Variants in SFMBT2 observed in about 807,000 individuals in gnomAD.
SFMBT2 encodes scm-like with four MBT domains protein 2.
SFMBT2 carries 38 observed loss-of-function variants against 110.1 expected under a neutral mutation model. The observed-to-expected ratio is 0.35, with a 90% CI of 0.27 to 0.45. The LOEUF (loss-of-function observed/expected upper bound fraction) is 0.45. Among genes scored for constraint, SFMBT2 ranks in the 20% least tolerant of loss-of-function variants. The pLI is 1.00. For synonymous variants in SFMBT2, 425 were observed against 425.4 expected (o/e 1.00, Z 0.01); for missense variants, 1,011 against 1,094.9 (o/e 0.92, Z 1.08).
At chr10:7,349,168 A>G (rs956794715) in intron 4 of SFMBT2, among the ~76,000 whole-genome samples, 22 of 152,210 alleles carry the variant, frequency 1.4e-4, no homozygotes, top group African/African-American at 5.3e-4. Flanking sequence ...CCCAGAGATC[A>G]TAAATGTGAA....
At chr10:7,270,886 A>T (rs1285189498) in intron 7 of SFMBT2, among the ~76,000 whole-genome samples, 1 of 152,238 alleles carries the variant, frequency 6.6e-6, no homozygotes, top group Non-Finnish European at 1.5e-5. Context: ...GTTAATTTTT[A>T]ATTACAAATA....
chr10:7,322,460 T>C (rs1843222069), intron 4 of SFMBT2, among the ~76,000 whole-genome samples: 1 of 152,158 alleles, frequency 6.6e-6, no homozygotes, highest in Non-Finnish European at 1.5e-5. Flanking sequence ...AAAAGGGCGC[T>C]CCCAGCTGAA....
intron 4 of SFMBT2, among the ~76,000 whole-genome samples, chr10:7,360,443 G>A (rs1201865734): frequency 1.3e-5 from 2 of 151,912 alleles, no homozygotes; most frequent in Non-Finnish European, 2.9e-5. Flanking sequence ...TTCCAGACTG[G>A]AAGACAGAAT....
rs536914139 is a variant in SFMBT2 at position 7,159,062 on chromosome 10, G to A, written c.*4708C>T. ...CATCCTAAGGTGATTTTTAGCCAACGATTGTCCTAGAATTTTCCTTTTTTC... is the reference window on the plus strand; with the variant it reads ...CATCCTAAGGTGATTTTTAGCCAACAATTGTCCTAGAATTTTCCTTTTTTC... On this transcript the variant is annotated 3_prime_UTR_variant, in exon 21 of 21. Coordinates refer to ENST00000397167, the MANE Select transcript of SFMBT2 (RefSeq NM_001387889.1). 2 of 152,192 alleles carry A rather than the reference G, an allele frequency of 1.3e-5. No homozygotes were observed. The highest frequency in any genetic ancestry group is 2.1e-4 in the South Asian group (1 of 4,812). 9.4% of individuals were successfully genotyped at this position (152,192 alleles called of 1,614,324 possible).
chr10:7,268,646 G>A (rs1384878290), intron 7 of SFMBT2, among the ~76,000 whole-genome samples: 3 of 152,068 alleles, frequency 2.0e-5, no homozygotes, highest in African/African-American at 4.8e-5. Flanking sequence ...GAGTAGCTGG[G>A]ATCACAGGTG....
Position 7,367,533 on chromosome 10 carries a change from C to G in SFMBT2, c.436+116G>C. Reference sequence around the variant, plus strand: ...AAACCACTCTGAAAGAACTGTGAGACCTTTGCACTAAGACCATTAGGGATT... The same window carrying G: ...AAACCACTCTGAAAGAACTGTGAGAGCTTTGCACTAAGACCATTAGGGATT... On this transcript the variant is annotated intron_variant, in intron 4 of 20. Coordinates refer to ENST00000397167, the MANE Select transcript of SFMBT2 (RefSeq NM_001387889.1). This position sits in a 1 kb window ranked among gnomAD's most constrained non-coding sequence, Gnocchi z 6.2. The G allele has an allele frequency of 2.7e-6, 4 of 1,466,616 alleles. No homozygotes were observed. The highest frequency in any genetic ancestry group is 3.6e-6 in the Non-Finnish European group (4 of 1,106,312). 90.9% of individuals were successfully genotyped at this position (1,466,616 alleles called of 1,614,324 possible).
In SFMBT2 at chr10:7,383,086, G is replaced by A. The variant is rs533560607; in HGVS notation, c.-51-1137C>T. Among the ~76,000 whole-genome samples, 3 of 152,302 alleles carry A rather than the reference G, an allele frequency of 2.0e-5. No individual in the cohort carries two copies. In the South Asian group the frequency reaches 6.2e-4, roughly 32 times the overall value. On this transcript the variant is annotated intron_variant, in intron 1 of 20. Coordinates refer to ENST00000397167, the MANE Select transcript of SFMBT2 (RefSeq NM_001387889.1). Reference sequence around the variant, plus strand: ...GAGAGAAGTTTAAATCAGCCAACAGGAAAGTAGAGATGAAGAAACAAAAGA... The same window carrying A: ...GAGAGAAGTTTAAATCAGCCAACAGAAAAGTAGAGATGAAGAAACAAAAGA...
At chr10:7,315,106 A>AAGAAAGAAAGAAAGAAAGAAAG (rs1842971629) in intron 4 of SFMBT2, among the ~76,000 whole-genome samples, 1 of 140,456 alleles carries the variant, frequency 7.1e-6, no homozygotes, top group African/African-American at 2.6e-5. Flanking sequence ...GAAAGAAAGA[A>AAGAAAGAAAGAAAGAAAGAAAG]AGAAAAAGCA....
At chr10:7,411,172 A>G, upstream of SFMBT2, among the ~76,000 whole-genome samples, 1 of 144,066 alleles carries the variant, frequency 6.9e-6, no homozygotes, top group Non-Finnish European at 1.5e-5. Flanking sequence ...CGCTTGCAAA[A>G]TTTCTTAAGC....
intron 4 of SFMBT2, among the ~76,000 whole-genome samples, chr10:7,332,015 C>CA (rs1491320070): frequency 0.2 from 7,031 of 35,220 alleles, 317 homozygotes; most frequent in Non-Finnish European, 0.23. Flanking sequence ...GACTCTGTCT[C>CA]AAAAAAAAAA....
At chr10:7,407,780 C>T (rs1055871801) in intron 1 of SFMBT2, among the ~76,000 whole-genome samples, 12 of 152,224 alleles carry the variant, frequency 7.9e-5, no homozygotes, top group South Asian at 2.1e-4. Flanking sequence ...CCGGGATTCT[C>T]GGACACCACA....
At chr10:7,292,182 A>C in intron 4 of SFMBT2, 3 of 217,026 alleles carry the variant, frequency 1.4e-5, no homozygotes, top group Non-Finnish European at 1.6e-5. Context: ...CCAGCTCACA[A>C]GAGAACCGAG....
At chr10:7,351,214 T>C (rs1011840405) in intron 4 of SFMBT2, among the ~76,000 whole-genome samples, 2 of 152,258 alleles carry the variant, frequency 1.3e-5, no homozygotes, top group African/African-American at 4.8e-5. Flanking sequence ...CTAGTACTAA[T>C]TAGTTTTGTG....
intron 10 of SFMBT2, among the ~76,000 whole-genome samples, chr10:7,225,609 C>T (rs1376994625): frequency 6.6e-6 from 1 of 152,100 alleles, no homozygotes; most frequent in Non-Finnish European, 1.5e-5. Flanking sequence ...AGCTCAGAAG[C>T]CACCTGGGAA....
chr10:7,365,980 A>G (rs996618901), intron 4 of SFMBT2, among the ~76,000 whole-genome samples: 5 of 151,926 alleles, frequency 3.3e-5, no homozygotes, highest in African/African-American at 1.2e-4. Flanking sequence ...TAGATCTTAA[A>G]AAAGAAAAGA....
At chr10:7,206,490 A>G in intron 11 of SFMBT2, 1 of 985,438 alleles carries the variant, frequency 1.0e-6, no homozygotes, top group Non-Finnish European at 1.2e-6. Flanking sequence ...GCCCTTCTCT[A>G]GGAAACCTGA....
At position 7,388,926 on chromosome 10, in the gene SFMBT2, G is replaced by A. The variant is rs186388670; in HGVS notation, c.-51-6977C>T. On this transcript the variant is annotated intron_variant, in intron 1 of 20. Coordinates refer to ENST00000397167, the MANE Select transcript of SFMBT2 (RefSeq NM_001387889.1). Reference sequence around the variant, plus strand: ...GAGCCATAGGCGAGATGGATGAATGGAAACAAACTAAAAACATGGAAGTGC... The same window carrying A: ...GAGCCATAGGCGAGATGGATGAATGAAAACAAACTAAAAACATGGAAGTGC... Among the ~76,000 whole-genome samples, 491 of 152,240 alleles carry A rather than the reference G, an allele frequency of 3.2e-3. 6 individuals carry two copies. The highest frequency in any genetic ancestry group is 5.1e-3 in the Non-Finnish European group (346 of 68,022).
chr10:7,377,184 A>C (rs1333749186), intron 2 of SFMBT2, among the ~76,000 whole-genome samples: 1 of 151,288 alleles, frequency 6.6e-6, no homozygotes, highest in South Asian at 2.1e-4. Context: ...AAAAAAAAAA[A>C]AAAAAAAAAA....
At chr10:7,387,563 G>A (rs796247469) in intron 1 of SFMBT2, among the ~76,000 whole-genome samples, 3 of 152,008 alleles carry the variant, frequency 2.0e-5, no homozygotes, top group Admixed American at 6.6e-5. Context: ...GGGTGGGCCG[G>A]GGGGTGCATC....
Sources: allele counts gnomAD v4.1 joint callset (sites outside exome capture counted in the v4.1 genomes callset), GRCh38; gene constraint gnomAD v4.1.1; non-coding constraint Gnocchi (gnomAD v3.1); transcripts MANE v1.5; gene names NCBI Gene and HGNC (gene_info 2026-07-23, HGNC 2026-07-21).